Variants in PPFIA2 observed in about 807,000 individuals in gnomAD.
PPFIA2 encodes liprin-alpha-2.
A neutral mutation model predicts 175.5 loss-of-function variants in PPFIA2; 46 were observed. The observed-to-expected ratio is 0.26, with a 90% CI of 0.21 to 0.34. PPFIA2 has a LOEUF of 0.34. PPFIA2 is among the 10% of genes least tolerant of loss of function. The pLI is 1.00. For synonymous variants in PPFIA2, 568 were observed against 511.4 expected (o/e 1.11, Z -1.49); for missense variants, 1,179 against 1,506.1 (o/e 0.78, Z 3.60).
At chr12:81,322,102 G>A (rs2053784290) in intron 22 of PPFIA2, among the ~76,000 whole-genome samples, 1 of 152,138 alleles carries the variant, frequency 6.6e-6, no homozygotes, top group Non-Finnish European at 1.5e-5. Context: ...CTCCCCAAGT[G>A]CTCGGATTAC....
At chr12:81,472,045 T>C (rs2056822061) in intron 4 of PPFIA2, among the ~76,000 whole-genome samples, 1 of 152,184 alleles carries the variant, frequency 6.6e-6, no homozygotes, top group South Asian at 2.1e-4. Flanking sequence ...GTAGTATACA[T>C]GCTATAATAT....
intron 4 of PPFIA2, among the ~76,000 whole-genome samples, chr12:81,570,273 A>C (rs1264172190): frequency 2.6e-5 from 4 of 152,162 alleles, no homozygotes; most frequent in Non-Finnish European, 5.9e-5. Context: ...TTTAATATTG[A>C]TTTGTATGTT....
chr12:81,484,546 C>A (rs2058609433), intron 4 of PPFIA2, among the ~76,000 whole-genome samples: 1 of 151,902 alleles, frequency 6.6e-6, no homozygotes, highest in Admixed American at 6.6e-5. Flanking sequence ...AATTAAAATT[C>A]ACATTCTGTA....
intron 23 of PPFIA2, among the ~76,000 whole-genome samples, chr12:81,295,820 A>G (rs2046308978): frequency 6.7e-6 from 1 of 149,602 alleles, no homozygotes; most frequent in Non-Finnish European, 1.5e-5. Flanking sequence ...GTGAAACATC[A>G]TAATACTAAA....
intron 7 of PPFIA2, among the ~76,000 whole-genome samples, chr12:81,421,735 G>T (rs1331392864): frequency 6.6e-6 from 1 of 151,766 alleles, no homozygotes; most frequent in Non-Finnish European, 1.5e-5. Flanking sequence ...CAATCAAAAG[G>T]CATAGCATGG....
At chr12:81,418,620 C>G (rs2045731193) in intron 7 of PPFIA2, among the ~76,000 whole-genome samples, 1 of 151,876 alleles carries the variant, frequency 6.6e-6, no homozygotes, top group South Asian at 2.1e-4. Context: ...GACCATCTGG[C>G]TCATAAAGCC....
At chr12:81,698,782 A>T (rs983389742) in intron 3 of PPFIA2, among the ~76,000 whole-genome samples, 3 of 145,348 alleles carry the variant, frequency 2.1e-5, no homozygotes, top group African/African-American at 7.4e-5. Context: ...ACACACACAC[A>T]CCACAAACAC....
intron 9 of PPFIA2, among the ~76,000 whole-genome samples, chr12:81,382,012 T>C (rs1009286160): frequency 6.6e-6 from 1 of 151,902 alleles, no homozygotes; most frequent in African/African-American, 2.4e-5. Flanking sequence ...TTACGAATAG[T>C]TGGGGTGGGA....
intron 4 of PPFIA2, among the ~76,000 whole-genome samples, chr12:81,534,256 T>G (rs1207395709): frequency 1.3e-5 from 2 of 151,634 alleles, no homozygotes; most frequent in Admixed American, 1.3e-4. Flanking sequence ...TAAAAGTCCA[T>G]AGCAGAGTGG....
At chr12:81,643,213 G>C (rs988141110) in intron 4 of PPFIA2, among the ~76,000 whole-genome samples, 1 of 151,146 alleles carries the variant, frequency 6.6e-6, no homozygotes, top group African/African-American at 2.4e-5. Context: ...AAAGTCAAAG[G>C]GATTATGATT....
At chr12:81,702,163 C>A (rs2076567356) in intron 3 of PPFIA2, among the ~76,000 whole-genome samples, 1 of 151,304 alleles carries the variant, frequency 6.6e-6, no homozygotes, top group Non-Finnish European at 1.5e-5. Context: ...GACCTACCCC[C>A]ACCATCAATG....
chr12:81,334,579 G>C (rs1221627723), intron 21 of PPFIA2, among the ~76,000 whole-genome samples: 1 of 151,408 alleles, frequency 6.6e-6, no homozygotes, highest in African/African-American at 2.4e-5. Flanking sequence ...TTCTCTTCAA[G>C]TAAACAGATA....
rs76838261 is a variant in PPFIA2, at chr12:81,500,336, A to C, written c.304-42470T>G. Among the ~76,000 whole-genome samples the C allele has an allele frequency of 3.0e-3, 464 of 152,274 alleles. 6 individuals are homozygous for C. Among genetic ancestry groups the C allele is most frequent in the East Asian group, 0.029 (151 of 5,178 alleles). On this transcript the variant is annotated intron_variant, in intron 4 of 32. Transcript: ENST00000549396. ...TACTACACTACCCCCTCCCAACTTT[A>C]GCCTCCACATATAGTAAAGTGCTTG... is the stretch of plus-strand genomic sequence containing the variant.
At chr12:81,561,870 T>C (rs1010064492) in intron 4 of PPFIA2, among the ~76,000 whole-genome samples, 1 of 152,236 alleles carries the variant, frequency 6.6e-6, no homozygotes, top group African/African-American at 2.4e-5. Flanking sequence ...CTTGTCTGCA[T>C]TGAATAGCTT....
chr12:81,720,047 A>T (rs1048332732), intron 3 of PPFIA2, among the ~76,000 whole-genome samples: 8 of 103,834 alleles, frequency 7.7e-5, no homozygotes, highest in Non-Finnish European at 1.6e-4. Flanking sequence ...AGTAAATTTA[A>T]AAAAAAATGT....
intron 7 of PPFIA2, among the ~76,000 whole-genome samples, chr12:81,426,703 T>G (rs1473166898): frequency 6.6e-6 from 1 of 152,034 alleles, no homozygotes; most frequent in Non-Finnish European, 1.5e-5. Context: ...GTTCCAAGAG[T>G]TCAGTTATTT....
At chr12:81,364,275 A>C (rs1595601437) in intron 14 of PPFIA2, among the ~76,000 whole-genome samples, 1 of 152,002 alleles carries the variant, frequency 6.6e-6, no homozygotes, top group East Asian at 1.9e-4. Context: ...GTATGATTGC[A>C]GAACTCAGGA....
In PPFIA2 at chr12:81,543,687, C is replaced by A. The variant is rs529470281; in HGVS notation, c.304-85821G>T. On this transcript the variant is annotated intron_variant, in intron 4 of 32. Coordinates refer to ENST00000549396, the MANE Select transcript of PPFIA2 (RefSeq NM_003625.5). ...TGAGTTCACAGAGTATGGACGTGGG[C>A]AGGAAAAAAATAACTTTATAGTGAA... 1.1e-4 allele frequency among the ~76,000 whole-genome samples: 17 copies of A among 151,962 alleles called. 1 individual carries two copies. The South Asian group carries it at 3.3e-3, about 30-fold the overall frequency.
At chr12:81,532,844 G>A (rs1018736846) in intron 4 of PPFIA2, among the ~76,000 whole-genome samples, 1 of 151,616 alleles carries the variant, frequency 6.6e-6, no homozygotes, top group African/African-American at 2.4e-5. Flanking sequence ...GCCTAAAAAT[G>A]TTTTTAAAAT....
Sources: gnomAD v4.1 joint callset for allele counts (sites outside exome capture counted in the v4.1 genomes callset) on GRCh38, gnomAD v4.1.1 for gene constraint, MANE v1.5 for transcripts, NCBI Gene and HGNC (gene_info 2026-07-23, HGNC 2026-07-21) for gene names.